TLN2: variants seen among roughly 807,000 people sequenced by gnomAD.
The protein encoded by TLN2 is talin 2, also known as talin-2.
Under a neutral mutation model 294.7 loss-of-function variants are expected in TLN2, and 118 were observed. The ratio of observed to expected loss-of-function variants is 0.40; its 90% CI spans 0.34 to 0.47. The LOEUF is 0.47. Ranked by LOEUF, TLN2 falls within the 20% of genes least tolerant of loss-of-function variation. The pLI, the probability that TLN2 is intolerant of heterozygous loss-of-function variation, is 0.84. For missense variants in TLN2, 3,083 were observed against 3,282.2 expected, an observed-to-expected ratio of 0.94 and a Z score of 1.48; for synonymous variants, 1,431 against 1,304.5, an observed-to-expected ratio of 1.10 and a Z score of -2.09.
intron 1 of TLN2, among the ~76,000 whole-genome samples, chr15:62,504,633 G>C (rs958435165): frequency 6.6e-6 from 1 of 152,178 alleles, no homozygotes; most frequent in Admixed American, 6.5e-5. Context: ...ATGGAAAAAA[G>C]TGAACCTTGA....
chr15:62,668,569 T>C (rs1301416158), intron 9 of TLN2, among the ~76,000 whole-genome samples: 1 of 152,122 alleles, frequency 6.6e-6, no homozygotes, highest in African/African-American at 2.4e-5. Flanking sequence ...ACTGATCACG[T>C]GGGATGTTGT....
At chr15:62,616,909 G>A (rs893605175) in intron 2 of TLN2, among the ~76,000 whole-genome samples, 1 of 152,204 alleles carries the variant, frequency 6.6e-6, no homozygotes, top group African/African-American at 2.4e-5. Context: ...GAGATTACAT[G>A]TTCCTGCCTG....
At chr15:62,476,856 C>T (rs751106902) in intron 1 of TLN2, among the ~76,000 whole-genome samples, 28 of 152,324 alleles carry the variant, frequency 1.8e-4, no homozygotes, top group Non-Finnish European at 3.5e-4. Flanking sequence ...ATGTCTCATC[C>T]TAATGCCACC....
intron 3 of TLN2, among the ~76,000 whole-genome samples, chr15:62,631,498 CCT>C (rs1201914126): frequency 8.7e-5 from 12 of 138,050 alleles, no homozygotes; most frequent in Admixed American, 5.0e-4. Context: ...TTTCTTTCTT[CCT>C]CTTTTCTTTC....
intron 1 of TLN2, among the ~76,000 whole-genome samples, chr15:62,409,604 A>G (rs2033641841): frequency 6.6e-6 from 1 of 152,358 alleles, no homozygotes; most frequent in African/African-American, 2.4e-5. Flanking sequence ...GAGCATTAAT[A>G]GTATGTGAAA....
At chr15:62,817,813 T>C (rs542332905) in intron 52 of TLN2, among the ~76,000 whole-genome samples, 65 of 146,602 alleles carry the variant, frequency 4.4e-4, no homozygotes, top group African/African-American at 1.6e-3. Flanking sequence ...TTCCATTCTA[T>C]CTTTTTTTTT....
At chr15:62,774,167 C>T (rs1380538292) in intron 42 of TLN2, among the ~76,000 whole-genome samples, 1 of 152,184 alleles carries the variant, frequency 6.6e-6, no homozygotes, top group Non-Finnish European at 1.5e-5. Context: ...ATCTGCTCCC[C>T]TGTGGCCTTC....
chr15:62,455,815 T>A (rs2036443191), intron 1 of TLN2, among the ~76,000 whole-genome samples: 1 of 152,090 alleles, frequency 6.6e-6, no homozygotes, highest in African/African-American at 2.4e-5. Context: ...CTGACACACA[T>A]CTCCATTCCC....
intron 1 of TLN2, among the ~76,000 whole-genome samples, chr15:62,520,781 C>A (rs978715749): frequency 6.6e-6 from 1 of 152,120 alleles, no homozygotes; most frequent in East Asian, 1.9e-4. Context: ...TTTAGAAGTT[C>A]TATCTCTTAA....
At chr15:62,788,585 C>A (rs951162494) in intron 45 of TLN2, among the ~76,000 whole-genome samples, 1 of 152,194 alleles carries the variant, frequency 6.6e-6, no homozygotes, top group African/African-American at 2.4e-5. Flanking sequence ...TAAGTAAACC[C>A]AGGCTCAGGG....
At chr15:62,567,084 T>C (rs1013917387) in intron 1 of TLN2, among the ~76,000 whole-genome samples, 3 of 152,256 alleles carry the variant, frequency 2.0e-5, no homozygotes, top group African/African-American at 7.2e-5. Context: ...TATCTGTTTT[T>C]TTCCCACTTA....
intron 28 of TLN2, among the ~76,000 whole-genome samples, chr15:62,731,029 A>G (rs938779420): frequency 1.3e-5 from 2 of 152,048 alleles, no homozygotes; most frequent in East Asian, 1.9e-4. Context: ...CTTTTGATCT[A>G]TCTTCCAGTT....
At chr15:62,812,365 G>A (rs1236409493) in intron 52 of TLN2, among the ~76,000 whole-genome samples, 1 of 152,158 alleles carries the variant, frequency 6.6e-6, no homozygotes, top group African/African-American at 2.4e-5. Context: ...CTGCACACAT[G>A]GGCCTCAGGT....
At chr15:62,673,204 C>T (rs1267813800) in intron 9 of TLN2, among the ~76,000 whole-genome samples, 1 of 150,506 alleles carries the variant, frequency 6.6e-6, no homozygotes, top group Non-Finnish European at 1.5e-5. Flanking sequence ...ACAAGGGATA[C>T]ACAGTCAAAA....
intron 26 of TLN2, among the ~76,000 whole-genome samples, chr15:62,724,090 G>A (rs146481288): frequency 6.6e-6 from 1 of 152,272 alleles, no homozygotes; most frequent in African/African-American, 2.4e-5. Flanking sequence ...AAAGGTTGCA[G>A]TGTGCCAAGA....
intron 1 of TLN2, among the ~76,000 whole-genome samples, chr15:62,518,702 A>T (rs2040307365): frequency 6.6e-6 from 1 of 151,984 alleles, no homozygotes; most frequent in Non-Finnish European, 1.5e-5. Context: ...GCTTCAAGCA[A>T]TTCTCCTACC....
At chr15:62,536,372 TC>T (rs2041352414) in intron 1 of TLN2, among the ~76,000 whole-genome samples, 1 of 152,186 alleles carries the variant, frequency 6.6e-6, no homozygotes, top group African/African-American at 2.4e-5. Context: ...AATTCCCTCT[TC>T]CCTTCTCTCA....
At chr15:62,804,335 C>T (rs1047134570) in intron 50 of TLN2, among the ~76,000 whole-genome samples, 1 of 152,174 alleles carries the variant, frequency 6.6e-6, no homozygotes, top group Non-Finnish European at 1.5e-5. Context: ...TGGCAGCGCA[C>T]GCCTGTAATT....
intron 46 of TLN2, among the ~76,000 whole-genome samples, chr15:62,793,909 G>A (rs902517561): frequency 1.3e-5 from 2 of 151,520 alleles, no homozygotes; most frequent in African/African-American, 4.8e-5. Flanking sequence ...TCTGTCCGTG[G>A]CCCTCCCTGA....
Sources: gnomAD v4.1 joint callset for allele counts (sites outside exome capture counted in the v4.1 genomes callset) on GRCh38, gnomAD v4.1.1 for gene constraint, MANE v1.5 for transcripts, NCBI Gene and HGNC (gene_info 2026-07-23, HGNC 2026-07-21) for gene names.